The following ANKRD36B variants were observed in gnomAD, a reference collection of about 807,000 sequenced individuals.
The protein encoded by ANKRD36B is ankyrin repeat domain 36B.
Under a neutral mutation model 135.7 loss-of-function variants are expected in ANKRD36B, and 37 were observed. The ratio of observed to expected loss-of-function variants is 0.27; its 90% confidence interval spans 0.21 to 0.36. The LOEUF (loss-of-function observed/expected upper bound fraction) is 0.36, where lower values mean the gene tolerates loss of function less well. ANKRD36B is among the 10% of genes least tolerant of loss of function. The pLI is 1.00. For missense variants in ANKRD36B, 549 were observed against 1,037.1 expected, an observed-to-expected ratio of 0.53 and a Z score of 6.46; for synonymous variants, 179 against 348.1, an observed-to-expected ratio of 0.51 and a Z score of 5.41.
intron 6 of ANKRD36B, among the ~76,000 whole-genome samples, chr2:97,565,776 T>C (rs1038639681): frequency 3.3e-5 from 5 of 151,988 alleles, no homozygotes; most frequent in Admixed American, 1.3e-4. Context: ...AGTTCAACCA[T>C]TGTGGAAGAC....
At chr2:97,553,453 C>T (rs2080242102) in intron 14 of ANKRD36B, 82 bp from the exon 15 acceptor site, 13 of 1,448,988 alleles carry the variant, frequency 9.0e-6, no homozygotes, top group Non-Finnish European at 1.1e-5. Flanking sequence ...TAGCATCAAG[C>T]TGTATCCGCC....
intron 6 of ANKRD36B, among the ~76,000 whole-genome samples, chr2:97,575,356 A>T (rs1055789362): frequency 3.3e-5 from 5 of 151,866 alleles, no homozygotes; most frequent in African/African-American, 1.2e-4. Context: ...CCAACCTCAG[A>T]TTTGGAGGGA....
At chr2:97,558,735 C>T (rs6707832) in intron 10 of ANKRD36B, 64 bp downstream of exon 10, 34,001 of 1,600,286 alleles carry the variant, frequency 0.021, 1,214 homozygotes, top group African/African-American at 0.15. Context: ...CTGATTTATT[C>T]GGGGAAGAGA....
chr2:97,540,822 T>C (rs1452688569), intron 28 of ANKRD36B, among the ~76,000 whole-genome samples: 3 of 96,358 alleles, frequency 3.1e-5, no homozygotes, highest in African/African-American at 6.2e-5. Context: ...CCACGTGGTG[T>C]AATAATTTGC....
chr2:97,549,226 C>A (rs1300187416), intron 20 of ANKRD36B, among the ~76,000 whole-genome samples, 193 bp downstream of exon 20: 5 of 143,886 alleles, frequency 3.5e-5, no homozygotes, highest in Admixed American at 7.1e-5. Context: ...AATCTTACAG[C>A]GAAGGTCATG....
chr2:97,494,521 A>G (rs879238031), intron 43 of ANKRD36B, among the ~76,000 whole-genome samples: 2 of 107,302 alleles, frequency 1.9e-5, no homozygotes, highest in South Asian at 2.2e-4. Flanking sequence ...GCAAAAAGCT[A>G]TCCAGGAGAG....
intron 6 of ANKRD36B, among the ~76,000 whole-genome samples, chr2:97,568,892 G>T (rs2081632451): frequency 6.6e-6 from 1 of 152,152 alleles, no homozygotes; most frequent in South Asian, 2.1e-4. Flanking sequence ...TTATAAGTGA[G>T]TCATGTTATA....
intron 14 of ANKRD36B, 44 bp downstream of exon 14, chr2:97,555,016 C>T: frequency 6.2e-7 from 1 of 1,600,210 alleles, no homozygotes; most frequent in South Asian, 1.1e-5. Context: ...AAGTTCTTTT[C>T]TATCTGGACT....
In ANKRD36B at chr2:97,530,725, C is replaced by T. The variant is rs1262914215; in HGVS notation, c.2265+1586G>A. ...AATTTACAAGAAAAAAACAAACAAC[C>T]CCATCAAAAAGTGGGCAAAGGATAT... On this transcript the variant is annotated intron_variant, in intron 35 of 43. Coordinates refer to ENST00000359901, the MANE Select transcript of ANKRD36B (RefSeq NM_001393939.1). Among the ~76,000 whole-genome samples, 8 of 96,488 alleles carry T rather than the reference C, an allele frequency of 8.3e-5. 2 individuals carry two copies. The highest frequency in any genetic ancestry group is 2.2e-4 in the Non-Finnish European group (8 of 36,244). 63.3% of individuals were successfully genotyped at this position (96,488 alleles called of 152,430 possible). A position where few individuals can be genotyped will look rare whatever the true frequency, so the allele number is the denominator to read the frequency against.
chr2:97,575,313 T>G (rs2082153345), intron 6 of ANKRD36B, among the ~76,000 whole-genome samples: 1 of 151,112 alleles, frequency 6.6e-6, no homozygotes, highest in African/African-American at 2.4e-5. Context: ...CTTTGCCTAA[T>G]AATTATAATA....
At chr2:97,575,400 C>G (rs1164487482) in intron 6 of ANKRD36B, among the ~76,000 whole-genome samples, 4 of 152,078 alleles carry the variant, frequency 2.6e-5, no homozygotes, top group Non-Finnish European at 5.9e-5. Flanking sequence ...ACCAGCTGTA[C>G]TTCTCCATTC....
intron 8 of ANKRD36B, 67 bp from the exon 9 acceptor site, chr2:97,559,061 G>A: frequency 6.3e-7 from 1 of 1,596,250 alleles, no homozygotes; most frequent in Middle Eastern, 2.3e-4. Context: ...TACATTCCAT[G>A]CAGTGTTAGC....
chr2:97,585,743 T>C (rs1309883691), intron 1 of ANKRD36B, among the ~76,000 whole-genome samples: 1 of 152,238 alleles, frequency 6.6e-6, no homozygotes, highest in African/African-American at 2.4e-5. Flanking sequence ...GCACAGCATT[T>C]AGAACACTTT....
In ANKRD36B at chr2:97,513,051, G is replaced by A. The variant is rs143791677; in HGVS notation, c.2805+129C>T. 9.9e-6 allele frequency: 11 copies of A among 1,115,798 alleles called. 2 individuals are homozygous for A. In the East Asian group the frequency reaches 3.2e-4, roughly 33 times the overall value. The allele number at this position is 1,115,798 out of a possible 1,614,324, so 69.1% of individuals were successfully genotyped here. On this transcript the variant is annotated intron_variant, in intron 38 of 43. Transcript: ENST00000359901. Reference sequence around the variant, plus strand: ...AAATAATTATAGCTATAAATGCCATGATTCATTTTTAAGATGAAATAAAAT... The same window carrying A: ...AAATAATTATAGCTATAAATGCCATAATTCATTTTTAAGATGAAATAAAAT...
At position 97,536,163 on chromosome 2, in the gene ANKRD36B, G is replaced by A; in HGVS notation, c.2191+137C>T. The A allele has an allele frequency of 5.2e-6, 2 of 387,650 alleles. 1 individual carries two copies. Among genetic ancestry groups the A allele is most frequent in the South Asian group, 4.5e-5 (2 of 43,976 alleles). 24.0% of individuals were successfully genotyped at this position (387,650 alleles called of 1,614,324 possible). A position where few individuals can be genotyped will look rare whatever the true frequency, so the allele number is the denominator to read the frequency against. On this transcript the variant is annotated intron_variant, in intron 34 of 43. Transcript: ENST00000359901. ...CATTTTTGAAAATATAAATAAAAAT[G>A]ATAACAGCTGCATTATTTAGATGAA... is the stretch of plus-strand genomic sequence containing the variant.
Position 97,589,778 on chromosome 2 carries a change from G to T in ANKRD36B, c.-93C>A. 1.3e-6 allele frequency: 2 copies of T among 1,592,048 alleles called. No individual in the cohort carries two copies. The highest frequency in any genetic ancestry group is 8.6e-7 in the Non-Finnish European group (1 of 1,165,670). On this transcript the variant is annotated 5_prime_UTR_variant, in exon 1 of 44. Transcript: ENST00000359901. ...GTATTTCAGCTCGCCTTCGGGGATC[G>T]CCGCCTCCGAAGAGCAACAACAGGC... is the stretch of plus-strand genomic sequence containing the variant.
chr2:97,589,517 C>G lies in ANKRD36B; in HGVS notation c.161+8G>C, dbSNP rs1204585895. On this transcript the variant is annotated splice_region_variant and intron_variant, in intron 1 of 43. Transcript: ENST00000359901. The stretch of plus-strand genomic sequence containing the variant: ...CCTCCCGCAGCCCCGGCTCCCGGCC[C>G]CCATTACCTTTCCTTCCTGTCTCTC... 1.3e-6 allele frequency: 2 copies of G among 1,575,010 alleles called. No homozygotes were observed. Among genetic ancestry groups the G allele is most frequent in the African/African-American group, 2.8e-5 (2 of 72,618 alleles).
chr2:97,554,324 A>G (rs1324025420), intron 14 of ANKRD36B, among the ~76,000 whole-genome samples: 4 of 151,986 alleles, frequency 2.6e-5, no homozygotes, highest in African/African-American at 9.7e-5. Flanking sequence ...AAGCCAATGT[A>G]TTGATATTCA....
At chr2:97,543,242 A>G (rs1379520739) in intron 26 of ANKRD36B, among the ~76,000 whole-genome samples, 1 of 146,632 alleles carries the variant, frequency 6.8e-6, no homozygotes, top group Non-Finnish European at 1.5e-5. Flanking sequence ...AATGCCTCTG[A>G]AGTGAGTCCA....
Sources: gnomAD v4.1 joint callset for allele counts (sites outside exome capture counted in the v4.1 genomes callset) on GRCh38, gnomAD v4.1.1 for gene constraint, MANE v1.5 for transcripts, NCBI Gene and HGNC (gene_info 2026-07-23, HGNC 2026-07-21) for gene names.